GPM6B: variants seen among roughly 807,000 people sequenced by gnomAD.
GPM6B encodes the protein neuronal membrane glycoprotein M6-b.
In GPM6B, 4 loss-of-function variants were observed where a neutral mutation model predicts 27.2. The observed-to-expected ratio is 0.15, with a 90% CI of 0.07 to 0.34. The LOEUF is 0.34. Among genes scored for constraint, GPM6B ranks in the 10% least tolerant of loss-of-function variants. The pLI is 1.00. For synonymous variants in GPM6B, 124 were observed against 103.1 expected (o/e 1.20, Z -1.23); for missense variants, 183 against 261.9 (o/e 0.70, Z 2.08).
At chrX:13,791,743 T>C (rs2048717397) in intron 2 of GPM6B, among the ~76,000 whole-genome samples, 1 of 111,600 alleles carries the variant, frequency 9.0e-6, no homozygotes, top group Non-Finnish European at 1.9e-5. Flanking sequence ...GGATGGCCGT[T>C]GCCATGGCTG....
intron 1 of GPM6B, among the ~76,000 whole-genome samples, chrX:13,927,221 A>T (rs745497059): frequency 8.9e-6 from 1 of 112,327 alleles, no homozygotes; most frequent in East Asian, 2.8e-4. Flanking sequence ...GAAAAAATAA[A>T]CAATGTGACA....
At chrX:13,906,918 G>A (rs16979354) in intron 1 of GPM6B, among the ~76,000 whole-genome samples, 1,808 of 111,706 alleles carry the variant, frequency 0.016, 30 homozygotes, top group African/African-American at 0.055. Context: ...TGTGTTCTCC[G>A]GTCATCTCCA....
intron 1 of GPM6B, among the ~76,000 whole-genome samples, chrX:13,845,815 G>A (rs955467368): frequency 2.7e-5 from 3 of 111,907 alleles, no homozygotes; most frequent in African/African-American, 6.5e-5. Context: ...AATAGTACAC[G>A]CTGAACTTTC....
chrX:13,812,044 C>CTTTTTTTTTTTTTTTTTTTTTTTTTTTT lies in GPM6B; in HGVS notation c.62-4276_62-4275insAAAAAAAAAAAAAAAAAAAAAAAAAAAA, dbSNP rs752162419. Among the ~76,000 whole-genome samples, 2 of 82,667 alleles carry CTTTTTTTTTTTTTTTTTTTTTTTTTTTT rather than the reference C, an allele frequency of 2.4e-5. 1 individual carries two copies. The highest frequency in any genetic ancestry group is 4.5e-5 in the Non-Finnish European group (2 of 43,963). 71.8% of individuals were successfully genotyped at this position (82,667 alleles called of 115,157 possible). ...TTTCAAAGGAGAACACTTTTCTTTT[C>CTTTTTTTTTTTTTTTTTTTTTTTTTTTT]TTTCTTTTTTTTTTTTTTTTTTTGA... On this transcript the variant is annotated intron_variant, in intron 1 of 7. Coordinates refer to ENST00000316715, the MANE Select transcript of GPM6B (RefSeq NM_001001995.3).
intron 2 of GPM6B, among the ~76,000 whole-genome samples, chrX:13,805,888 A>G (rs1463394021): frequency 8.1e-5 from 9 of 111,759 alleles, no homozygotes; most frequent in African/African-American, 2.9e-4. Context: ...TCCTCCCTCA[A>G]GCAGTTGTTT....
chrX:13,930,019 T>C (rs937177945), intron 1 of GPM6B, among the ~76,000 whole-genome samples: 1 of 112,313 alleles, frequency 8.9e-6, no homozygotes, highest in African/African-American at 3.2e-5. Flanking sequence ...ATAATAGACC[T>C]TGTTATACCA....
At chrX:13,810,179 A>G (rs2049102481) in intron 1 of GPM6B, among the ~76,000 whole-genome samples, 1 of 111,388 alleles carries the variant, frequency 9.0e-6, no homozygotes, top group African/African-American at 3.3e-5. Flanking sequence ...ACTGTTCAGG[A>G]GATTCTCTCT....
intron 4 of GPM6B, among the ~76,000 whole-genome samples, chrX:13,782,074 AAGG>A (rs2048526591): frequency 1.8e-5 from 2 of 111,558 alleles, no homozygotes; most frequent in African/African-American, 6.5e-5. Flanking sequence ...CACACCCTCC[AAGG>A]CAGGTCAGCA....
At chrX:13,878,853 A>C (rs762833261) in intron 1 of GPM6B, among the ~76,000 whole-genome samples, 2 of 111,844 alleles carry the variant, frequency 1.8e-5, no homozygotes, top group Non-Finnish European at 3.8e-5. Context: ...AACTTAACCC[A>C]CAGTTCCTGG....
intron 3 of GPM6B, among the ~76,000 whole-genome samples, chrX:13,785,351 C>T (rs1202695725): frequency 1.8e-5 from 2 of 111,554 alleles, no homozygotes; most frequent in Admixed American, 9.5e-5. Flanking sequence ...CTCGGCTCAC[C>T]AGCTCACCGC....
intron 2 of GPM6B, among the ~76,000 whole-genome samples, chrX:13,805,187 A>AAG (rs1427004875): frequency 8.9e-6 from 1 of 112,512 alleles, no homozygotes; most frequent in East Asian, 2.8e-4. Flanking sequence ...CCCCTCAGGC[A>AAG]AGAACCTGTT....
rs948985111 is a variant in GPM6B, at chrX:13,771,118, G to T, written c.*1763C>A. 7 of 112,068 alleles carry T rather than the reference G, an allele frequency of 6.2e-5. No individual in the cohort carries two copies. Among genetic ancestry groups the T allele is most frequent in the Non-Finnish European group, 1.3e-4 (7 of 53,068 alleles). 9.2% of individuals were successfully genotyped at this position (112,068 alleles called of 1,213,427 possible). A position where few individuals can be genotyped will look rare whatever the true frequency, so the allele number is the denominator to read the frequency against. Reference sequence around the variant, plus strand: ...GATAGAAAATATTGATTCACTGTTAGGTTACAAAAATTTATACATAGCAAA... The same window carrying T: ...GATAGAAAATATTGATTCACTGTTATGTTACAAAAATTTATACATAGCAAA... On this transcript the variant is annotated 3_prime_UTR_variant, in exon 8 of 8. Coordinates refer to ENST00000316715, the MANE Select transcript of GPM6B (RefSeq NM_001001995.3).
intron 1 of GPM6B, among the ~76,000 whole-genome samples, chrX:13,847,702 T>A (rs1294252725): frequency 8.9e-6 from 1 of 112,162 alleles, no homozygotes; most frequent in Non-Finnish European, 1.9e-5. Context: ...GCTTTAACAC[T>A]AGCCTAATAG....
At chrX:13,829,239 C>T (rs2049410652) in intron 1 of GPM6B, among the ~76,000 whole-genome samples, 1 of 111,425 alleles carries the variant, frequency 9.0e-6, no homozygotes, top group Non-Finnish European at 1.9e-5. Context: ...CAACCTTGTC[C>T]AGCATCCCTG....
intron 1 of GPM6B, among the ~76,000 whole-genome samples, chrX:13,850,733 G>C (rs1403377590): frequency 1.8e-5 from 2 of 112,343 alleles, no homozygotes; most frequent in African/African-American, 6.5e-5. Context: ...AATGGAAGAC[G>C]TCAATGAAAC....
At chrX:13,891,072 G>C (rs1175953676) in intron 1 of GPM6B, among the ~76,000 whole-genome samples, 1 of 111,301 alleles carries the variant, frequency 9.0e-6, no homozygotes, top group East Asian at 2.8e-4. Context: ...CCAAGGTTGA[G>C]AGCCACTGAA....
At chrX:13,888,248 T>C (rs1011217960) in intron 1 of GPM6B, among the ~76,000 whole-genome samples, 1 of 112,489 alleles carries the variant, frequency 8.9e-6, no homozygotes, top group African/African-American at 3.2e-5. Context: ...TTAACAAGCT[T>C]GGTATTTAAA....
intron 1 of GPM6B, among the ~76,000 whole-genome samples, chrX:13,850,364 C>A (rs1210264695): frequency 8.9e-6 from 1 of 112,490 alleles, no homozygotes; most frequent in Non-Finnish European, 1.9e-5. Context: ...TGAGTGGAAG[C>A]TTCCTGAGGC....
At chrX:13,846,902 G>A (rs1383459944) in intron 1 of GPM6B, among the ~76,000 whole-genome samples, 1 of 106,400 alleles carries the variant, frequency 9.4e-6, no homozygotes. Flanking sequence ...ATTTACACAG[G>A]AATCACTTCT....
Sources: allele counts gnomAD v4.1 joint callset (sites outside exome capture counted in the v4.1 genomes callset), GRCh38; gene constraint gnomAD v4.1.1; transcripts MANE v1.5; gene names NCBI Gene and HGNC (gene_info 2026-07-23, HGNC 2026-07-21).